The following C2CD2 variants were observed in gnomAD, a reference collection of about 807,000 sequenced individuals.
C2CD2 encodes C2 domain-containing protein 2.
C2CD2 carries 43 observed loss-of-function variants against 74.3 expected under a neutral mutation model. That is an observed-to-expected ratio of 0.58 (90% CI 0.45 to 0.75). The LOEUF (loss-of-function observed/expected upper bound fraction) is 0.75. C2CD2 is among the 30% of genes least tolerant of loss of function. The probability of loss-of-function intolerance (pLI) is 0.00; values close to 1 mark genes in which losing one functional copy is unlikely to be tolerated. For missense variants in C2CD2, 801 were observed against 916.3 expected, an observed-to-expected ratio of 0.87 and a Z score of 1.63; for synonymous variants, 422 against 390.7, an observed-to-expected ratio of 1.08 and a Z score of -0.94.
rs750827057 is a variant in C2CD2, at chr21:41,901,705, T to C, written c.1477A>G (p.Ile493Val). The change falls in exon 12 of 14, where the codon ATT becomes GTT. Residue 493 changes from isoleucine (I) to valine (V), a missense_variant. By Grantham distance (29) the Ile-to-Val change is conservative. Transcript: ENST00000380486. ...NGSDPVAEVAIRQLSESSKLK... is the reference protein window; with the variant it reads ...NGSDPVAEVAVRQLSESSKLK... ...TTTGAAGATTCACTGAGCTGTCGAA[T>C]GGCCACTTCAGCCACTGGATCCGAA... The C allele has an allele frequency of 8.1e-6, 13 of 1,614,032 alleles. No individual in the cohort carries two copies. The highest frequency in any genetic ancestry group is 2.2e-5 in the East Asian group (1 of 44,888).
At chr21:41,916,603 G>T (rs2065093982) in intron 5 of C2CD2, among the ~76,000 whole-genome samples, 1 of 151,402 alleles carries the variant, frequency 6.6e-6, no homozygotes, top group South Asian at 2.1e-4. Context: ...CTCTCCCGGG[G>T]CTGCAGCTTA....
Position 41,903,910 on chromosome 21 carries a change from G to C in C2CD2, c.1432+1814C>G, listed in dbSNP as rs1350217376. Among the ~76,000 whole-genome samples, 1 of 152,194 alleles carries C rather than the reference G, an allele frequency of 6.6e-6. No homozygotes were observed. Among genetic ancestry groups the C allele is most frequent in the Admixed American group, 6.5e-5 (1 of 15,288 alleles). On this transcript the variant is annotated intron_variant, in intron 11 of 13. Coordinates refer to ENST00000380486, the MANE Select transcript of C2CD2 (RefSeq NM_015500.2). This position sits in a 1 kb window ranked among gnomAD's most constrained non-coding sequence, Gnocchi z 4.5. Reference sequence around the variant, plus strand: ...GGCACTGCCAGGGGAAGAAACTGAGGAAGGGGCATCAGGGGCAGCGGCAAA... The same window carrying C: ...GGCACTGCCAGGGGAAGAAACTGAGCAAGGGGCATCAGGGGCAGCGGCAAA...
intron 2 of C2CD2, among the ~76,000 whole-genome samples, chr21:41,928,920 G>T (rs1311997899): frequency 3.3e-5 from 5 of 152,012 alleles, no homozygotes; most frequent in Admixed American, 2.0e-4. Flanking sequence ...TATCTCTGTT[G>T]TCTTTTTTAT....
intron 1 of C2CD2, among the ~76,000 whole-genome samples, chr21:41,944,931 T>G (rs2065386345): frequency 6.6e-6 from 1 of 152,128 alleles, no homozygotes; most frequent in South Asian, 2.1e-4. Context: ...AACAAACACA[T>G]GCACTACGAA....
At chr21:41,937,064 C>T (rs542323677) in intron 2 of C2CD2, among the ~76,000 whole-genome samples, 1 of 152,016 alleles carries the variant, frequency 6.6e-6, no homozygotes, top group African/African-American at 2.4e-5. Flanking sequence ...CGTGATCCAC[C>T]TGCCTCACCC....
Position 41,953,037 on chromosome 21 carries a change from C to G in C2CD2, c.279+333G>C, listed in dbSNP as rs1226063107. The G allele has an allele frequency of 9.8e-6, 3 of 307,228 alleles. No individual in the cohort carries two copies. In the East Asian group the frequency reaches 1.5e-4, roughly 16 times the overall value. The allele number at this position is 307,228 out of a possible 1,614,324, so 19.0% of individuals were successfully genotyped here. On this transcript the variant is annotated intron_variant, in intron 1 of 13. Coordinates refer to ENST00000380486, the MANE Select transcript of C2CD2 (RefSeq NM_015500.2). ...AGCTCAGTAAGTGTCCGATCGGGCA[C>G]GGGAATTCGCCCCGGGACTCCAGGC...
At chr21:41,950,107 G>A (rs1266252512) in intron 1 of C2CD2, among the ~76,000 whole-genome samples, 2 of 151,714 alleles carry the variant, frequency 1.3e-5, no homozygotes, top group Non-Finnish European at 2.9e-5. Flanking sequence ...TGCACGTTGT[G>A]CACATGTACC....
chr21:41,912,284 A>C (rs1465854677), intron 7 of C2CD2, 48 bp downstream of exon 7: 1 of 1,214,144 alleles, frequency 8.2e-7, no homozygotes, highest in Non-Finnish European at 1.2e-6. Context: ...GGCGCTCCTG[A>C]ACAGACACGG....
chr21:41,950,839 T>G (rs540675383), intron 1 of C2CD2, among the ~76,000 whole-genome samples: 1 of 152,306 alleles, frequency 6.6e-6, no homozygotes, highest in African/African-American at 2.4e-5. Context: ...AAATTCCACT[T>G]TTCAGACAGA....
chr21:41,904,966 G>C (rs761213010), intron 11 of C2CD2, among the ~76,000 whole-genome samples: 9 of 152,192 alleles, frequency 5.9e-5, no homozygotes, highest in Non-Finnish European at 1.2e-4. Flanking sequence ...CCATAAAATA[G>C]GGAATTTGCA....
chr21:41,902,820 A>C (rs1460714103), intron 11 of C2CD2, among the ~76,000 whole-genome samples: 2 of 152,014 alleles, frequency 1.3e-5, no homozygotes, highest in Non-Finnish European at 2.9e-5. Flanking sequence ...TGAATTCCAG[A>C]GCCACGGAGC....
In C2CD2 at chr21:41,948,883, TTTTTTTTTTC is replaced by T. The variant is rs1325215300; in HGVS notation, c.279+4477_279+4486del. 1.9e-3 allele frequency among the ~76,000 whole-genome samples: 241 copies of T among 130,098 alleles called. 2 individuals carry two copies. The highest frequency in any genetic ancestry group is 5.5e-3 in the African/African-American group (197 of 35,952). The allele number at this position is 130,098 out of a possible 152,430, so 85.3% of individuals were successfully genotyped here. On this transcript the variant is annotated intron_variant, in intron 1 of 13. Coordinates refer to ENST00000380486, the MANE Select transcript of C2CD2 (RefSeq NM_015500.2). ...TCCACACAGCATCTTTTTTTTTTTTTTTTTTTTTTCTTTTTTTTTACAAAGACCATAATGA... is the reference window on the plus strand; with the variant it reads ...TCCACACAGCATCTTTTTTTTTTTTTTTTTTTTTTACAAAGACCATAATGA...
intron 2 of C2CD2, among the ~76,000 whole-genome samples, chr21:41,928,778 G>A (rs867261167): frequency 2.6e-5 from 4 of 151,998 alleles, no homozygotes; most frequent in East Asian, 1.9e-4. Context: ...CACCCAGGGC[G>A]AGTTATGGGT....
At chr21:41,925,776 G>A (rs547515985) in intron 2 of C2CD2, among the ~76,000 whole-genome samples, 16 of 152,298 alleles carry the variant, frequency 1.1e-4, no homozygotes, top group African/African-American at 3.1e-4. Context: ...AGTCAGGATC[G>A]CCTGACACAG....
chr21:41,888,920 A>G lies in C2CD2; in HGVS notation c.*204T>C. On this transcript the variant is annotated 3_prime_UTR_variant, in exon 14 of 14. Transcript: ENST00000380486. ...AAGTCTCATTTAGCATCTGGTGGCA[A>G]GTTGGGCTTTTTTGTCCTCTCTGGG... 8 of 595,216 alleles carry G rather than the reference A, an allele frequency of 1.3e-5. No individual in the cohort carries two copies. In the South Asian group the frequency reaches 1.6e-4, roughly 12 times the overall value. The allele number at this position is 595,216 out of a possible 1,614,324, so 36.9% of individuals were successfully genotyped here.
chr21:41,926,218 T>G lies in C2CD2; in HGVS notation c.379-4133A>C, dbSNP rs2065210409. On this transcript the variant is annotated intron_variant, in intron 2 of 13. Transcript: ENST00000380486. This position sits in a 1 kb window ranked among gnomAD's most constrained non-coding sequence, Gnocchi z 8.0. Reference sequence around the variant, plus strand: ...CCCCAACCTGCATTTTTTTGACATTTTTTTTCCCCAAAACAAGCAAAGATT... The same window carrying G: ...CCCCAACCTGCATTTTTTTGACATTGTTTTTCCCCAAAACAAGCAAAGATT... Among the ~76,000 whole-genome samples, 1 of 152,164 alleles carries G rather than the reference T, an allele frequency of 6.6e-6. No individual in the cohort carries two copies. Among genetic ancestry groups the G allele is most frequent in the African/African-American group, 2.4e-5 (1 of 41,432 alleles).
At chr21:41,936,719 C>G (rs2065310021) in intron 2 of C2CD2, among the ~76,000 whole-genome samples, 1 of 152,008 alleles carries the variant, frequency 6.6e-6, no homozygotes, top group Admixed American at 6.6e-5. Context: ...TCAGCCTACT[C>G]AACGTGAAGA....
rs766744135 is a variant in C2CD2 at position 41,892,105 on chromosome 21, C to G, written c.1871-2761G>C. Among the ~76,000 whole-genome samples the G allele has an allele frequency of 6.6e-6, 1 of 152,090 alleles. No individual in the cohort carries two copies. Among genetic ancestry groups the G allele is most frequent in the Non-Finnish European group, 1.5e-5 (1 of 68,018 alleles). ...TTAAAATTAGATCATTGGGGTGGCC[C>G]GTGATCCAATATGCCTGCTGTCCTT... On this transcript the variant is annotated intron_variant, in intron 13 of 13. Coordinates refer to ENST00000380486, the MANE Select transcript of C2CD2 (RefSeq NM_015500.2). The surrounding 1 kb of genome is among the most constrained non-coding windows in gnomAD (Gnocchi z 4.6).
intron 9 of C2CD2, 53 bp downstream of exon 9, chr21:41,907,607 T>C: frequency 6.3e-7 from 1 of 1,586,420 alleles, no homozygotes. Flanking sequence ...AAGACGCTCC[T>C]TGGGTAAGTG....
Sources: allele counts gnomAD v4.1 joint callset (sites outside exome capture counted in the v4.1 genomes callset), GRCh38; gene constraint gnomAD v4.1.1; non-coding constraint Gnocchi (gnomAD v3.1); transcripts MANE v1.5; gene names NCBI Gene and HGNC (gene_info 2026-07-23, HGNC 2026-07-21).